Variants in XDH observed in about 807,000 individuals in gnomAD.
XDH encodes xanthine dehydrogenase/oxidase.
XDH carries 138 observed loss-of-function variants against 156.1 expected under a neutral mutation model. The ratio of observed to expected loss-of-function variants is 0.88; its 90% confidence interval spans 0.77 to 1.02. The LOEUF (loss-of-function observed/expected upper bound fraction) is 1.02, where lower values mean the gene tolerates loss of function less well. Among genes scored for constraint, XDH ranks in the 50% least tolerant of loss-of-function variants. XDH has a pLI of 0.00. For missense variants in XDH, 1,849 were observed against 1,684.9 expected (o/e 1.10, Z -1.71); for synonymous variants, 669 against 625.7 (o/e 1.07, Z -1.03).
At chr2:31,392,119 T>A (rs562320402) in intron 6 of XDH, among the ~76,000 whole-genome samples, 1 of 152,288 alleles carries the variant, frequency 6.6e-6, no homozygotes, top group South Asian at 2.1e-4. Context: ...TCCTTCATTA[T>A]CCATTTAATG....
rs534218581 is a variant in XDH, at chr2:31,367,218, C to T, written c.2198-224G>A. ...CCCCACCCCCACAACAAAGAAAGAA[C>T]GACACTGAAATGCATCCAGTCCAAA... On this transcript the variant is annotated intron_variant, in intron 20 of 35. Transcript: ENST00000379416. 3.9e-5 allele frequency among the ~76,000 whole-genome samples: 6 copies of T among 152,298 alleles called. 1 individual carries two copies. In the South Asian group the frequency reaches 1.0e-3, roughly 26 times the overall value.
chr2:31,379,955 A>T lies in XDH; in HGVS notation c.1154T>A (p.Met385Lys), dbSNP rs1232779288. The T allele has an allele frequency of 9.3e-6, 15 of 1,613,938 alleles. No homozygotes were observed. Among genetic ancestry groups the T allele is most frequent in the Non-Finnish European group, 1.3e-5 (15 of 1,180,032 alleles). Residue 385 changes from methionine (M) to lysine (K), a missense_variant, in exon 13 of 36, where the codon ATG becomes AAG. Met to Lys is a moderately conservative substitution (Grantham distance 95). Transcript: ENST00000379416. ...VSRGTRRTVQ[M>K]DHTFFPGYRK... The stretch of plus-strand genomic sequence containing the variant: ...GTAGCCAGGGAAGAAGGTGTGGTCC[A>T]TCTGGACAGTTCTCCTGGTGCCTGT...
chr2:31,403,550 G>C (rs1193001639), intron 2 of XDH, among the ~76,000 whole-genome samples: 1 of 152,154 alleles, frequency 6.6e-6, no homozygotes, highest in Non-Finnish European at 1.5e-5. Context: ...GAAGCCACTT[G>C]GGCCAGAATG....
chr2:31,350,302 G>T, intron 24 of XDH, 79 bp from the exon 25 acceptor site: 1 of 1,434,252 alleles, frequency 7.0e-7, no homozygotes. Context: ...TTTGAGGGCT[G>T]TATCCATTGC....
intron 24 of XDH, among the ~76,000 whole-genome samples, chr2:31,350,779 A>G (rs918792339): frequency 4.6e-5 from 7 of 152,172 alleles, no homozygotes; most frequent in African/African-American, 1.7e-4. Context: ...CCTCTTTTTG[A>G]AAACAGTTAA....
At chr2:31,403,018 G>T (rs757848001) in intron 3 of XDH, 30 bp downstream of exon 3, 16 of 1,612,754 alleles carry the variant, frequency 9.9e-6, no homozygotes, top group Non-Finnish European at 1.4e-5. Context: ...CAGCCCCCAT[G>T]TGGGTGGTCA....
chr2:31,343,308 A>ATATATATATATATATGTATGTT (rs1553411657), intron 31 of XDH, among the ~76,000 whole-genome samples: 1 of 98,490 alleles, frequency 1.0e-5, no homozygotes, highest in African/African-American at 4.7e-5. Context: ...ATATATATAT[A>ATATATATATATATATGTATGTT]TATATATATA....
At chr2:31,344,824 C>G in intron 30 of XDH, 88 bp from the exon 31 acceptor site, 1 of 1,407,406 alleles carries the variant, frequency 7.1e-7, no homozygotes, top group South Asian at 1.2e-5. Context: ...CTCACCTCCT[C>G]TGGAAGCCAA....
At chr2:31,395,204 T>C (rs1686870031) in intron 6 of XDH, among the ~76,000 whole-genome samples, 1 of 152,166 alleles carries the variant, frequency 6.6e-6, no homozygotes, top group South Asian at 2.1e-4. Context: ...GTCCTAGGAT[T>C]AGTCTCAGTT....
intron 16 of XDH, among the ~76,000 whole-genome samples, chr2:31,372,826 T>C (rs925255911): frequency 2.0e-5 from 3 of 152,114 alleles, no homozygotes; most frequent in Non-Finnish European, 4.4e-5. Flanking sequence ...ATAAATATAG[T>C]ATATACATGT....
In XDH at chr2:31,339,648, G is replaced by A. The variant is rs1264749008; in HGVS notation, c.3615C>T (p.Gly1205=). The A allele has an allele frequency of 1.2e-6, 2 of 1,614,146 alleles. No homozygotes were observed. The highest frequency in any genetic ancestry group is 2.2e-5 in the East Asian group (1 of 44,868). The part of the protein sequence containing the change: ...QVEGAFVQGL[G]LFTLEELHYS... ...AGTGTAGCTCCTCTAGGGTGAAGAG[G>A]CCAAGGCCCTGGACAAATGCCCCTT... The change falls in exon 34 of 36, where the codon GGC becomes GGT. Residue 1205 remains glycine, a synonymous_variant. Transcript: ENST00000379416.
intron 24 of XDH, 109 bp from the exon 25 acceptor site, chr2:31,350,332 C>T: frequency 9.7e-7 from 1 of 1,031,762 alleles, no homozygotes; most frequent in Non-Finnish European, 1.5e-6. Context: ...CCCTCTGCAC[C>T]CAAGTTATTT....
intron 17 of XDH, 139 bp downstream of exon 17, chr2:31,372,088 CT>C: frequency 7.8e-7 from 1 of 1,286,888 alleles, no homozygotes; most frequent in South Asian, 1.2e-5. Flanking sequence ...AGGTCTTCCC[CT>C]CTCTCTAGCC....
At position 31,377,244 on chromosome 2, in the gene XDH, G is replaced by C. The variant is rs200362582; in HGVS notation, c.1243-7C>G. 272 of 1,613,992 alleles carry C rather than the reference G, an allele frequency of 1.7e-4. No homozygotes were observed. The highest frequency in any genetic ancestry group is 2.2e-4 in the Non-Finnish European group (257 of 1,180,034). ...ATGCTGAGAAATACTCCCCCTAAAA[G>C]AGATCAGGAAGGTGCCTGTTTTCCA... On this transcript the variant is annotated splice_polypyrimidine_tract_variant and splice_region_variant and intron_variant, in intron 13 of 35. Transcript: ENST00000379416.
At chr2:31,372,425 T>C in intron 16 of XDH, 28 bp from the exon 17 acceptor site, 1 of 1,613,528 alleles carries the variant, frequency 6.2e-7, no homozygotes, top group Non-Finnish European at 8.5e-7. Context: ...TCAATCAGGG[T>C]GAGCTGCCAA....
intron 10 of XDH, 82 bp downstream of exon 10, chr2:31,383,673 C>T: frequency 7.3e-7 from 1 of 1,364,450 alleles, no homozygotes; most frequent in East Asian, 2.4e-5. Flanking sequence ...GTGGGGAGAC[C>T]ACCCTGATAC....
intron 24 of XDH, among the ~76,000 whole-genome samples, chr2:31,350,913 C>T (rs1378321749): frequency 6.7e-6 from 1 of 148,744 alleles, no homozygotes; most frequent in East Asian, 2.0e-4. Context: ...GTAGCCTCTT[C>T]CACTTTCCTT....
At chr2:31,337,893 G>A in intron 34 of XDH, 76 bp from the exon 35 acceptor site, 1 of 1,533,698 alleles carries the variant, frequency 6.5e-7, no homozygotes, top group African/African-American at 1.4e-5. Flanking sequence ...GACCTAGGAG[G>A]CCAGGCAGCA....
intron 24 of XDH, among the ~76,000 whole-genome samples, chr2:31,351,701 T>C (rs1685486156): frequency 1.3e-5 from 2 of 152,248 alleles, no homozygotes; most frequent in Non-Finnish European, 2.9e-5. Flanking sequence ...GAGGAACATC[T>C]TTGACACCTT....
Sources: allele counts gnomAD v4.1 joint callset (sites outside exome capture counted in the v4.1 genomes callset), GRCh38; gene constraint gnomAD v4.1.1; transcripts MANE v1.5; gene names NCBI Gene and HGNC (gene_info 2026-07-23, HGNC 2026-07-21).